Variants in CLN8 observed in about 807,000 individuals in gnomAD.
CLN8 encodes the protein protein CLN8.
In CLN8, 14 loss-of-function variants were observed where a neutral mutation model predicts 15.7. The observed-to-expected ratio is 0.89, with a 90% CI of 0.59 to 1.39. The LOEUF (loss-of-function observed/expected upper bound fraction) is 1.39. Ranked by LOEUF, CLN8 falls within the 40% of genes most tolerant of loss-of-function variation. The pLI is 0.00. For synonymous variants in CLN8, 188 were observed against 151.0 expected, an observed-to-expected ratio of 1.25 and a Z score of -1.80; for missense variants, 415 against 364.0, an observed-to-expected ratio of 1.14 and a Z score of -1.14.
chr8:1,757,352 G>A (rs187139200), intron 1 of CLN8, among the ~76,000 whole-genome samples: 4 of 152,318 alleles, frequency 2.6e-5, no homozygotes, highest in African/African-American at 7.2e-5. Flanking sequence ...CCACGGGAGG[G>A]GGCGTAGAGG....
intron 2 of CLN8, among the ~76,000 whole-genome samples, chr8:1,777,619 CTTT>C (rs1233884504): frequency 6.6e-6 from 1 of 151,844 alleles, no homozygotes; most frequent in Non-Finnish European, 1.5e-5. Context: ...ATTTTCGAAA[CTTT>C]TTTTTAAATT....
At chr8:1,765,992 C>A (rs1484111685) in intron 1 of CLN8, among the ~76,000 whole-genome samples, 2 of 152,116 alleles carry the variant, frequency 1.3e-5, no homozygotes, top group Non-Finnish European at 2.9e-5. Context: ...ATGCTGGTAT[C>A]CATAGCAGTT....
rs1409348546 is a variant in CLN8, at chr8:1,781,789, C to T, written c.*1222C>T. On this transcript the variant is annotated 3_prime_UTR_variant, in exon 3 of 3. Transcript: ENST00000331222. ...AGCTGTAGGGTGGACCTGGACCCCTCAGAGATGCTCGACTGCAGGGTCCTG... is the reference window on the plus strand; with the variant it reads ...AGCTGTAGGGTGGACCTGGACCCCTTAGAGATGCTCGACTGCAGGGTCCTG... The T allele has an allele frequency of 6.6e-6, 1 of 152,164 alleles. No individual in the cohort carries two copies. Among genetic ancestry groups the T allele is most frequent in the African/African-American group, 2.4e-5 (1 of 41,430 alleles). The allele number at this position is 152,164 out of a possible 1,614,324, so 9.4% of individuals were successfully genotyped here.
intron 1 of CLN8, among the ~76,000 whole-genome samples, chr8:1,756,420 G>A (rs912359766): frequency 1.3e-5 from 2 of 150,354 alleles, no homozygotes; most frequent in East Asian, 4.0e-4. Flanking sequence ...GGAGGCAGAG[G>A]TTGCAGTGAG....
intron 2 of CLN8, among the ~76,000 whole-genome samples, chr8:1,778,960 GA>G (rs1457837092): frequency 3.3e-5 from 5 of 152,184 alleles, no homozygotes; most frequent in Non-Finnish European, 7.3e-5. Flanking sequence ...AACATGCCCA[GA>G]AGACTTGGAT....
rs746305311 is a variant in CLN8, at chr8:1,780,510, A to G, written c.804A>G (p.Pro268=). ...LNPVDWNFAQ[P]EAKSRPEGNG... ...CGGTGGACTGGAACTTCGCACAGCC[A>G]GAAGCCAAGAGCAGGCCAGAAGGCA... The change falls in exon 3 of 3, where the codon CCA becomes CCG. Residue 268 remains proline, a synonymous_variant. Coordinates refer to ENST00000331222, the MANE Select transcript of CLN8 (RefSeq NM_018941.4). 1 of 1,614,248 alleles carries G rather than the reference A, an allele frequency of 6.2e-7. No homozygotes were observed.
At chr8:1,770,780 G>T (rs2130989114) in intron 1 of CLN8, among the ~76,000 whole-genome samples, 152 bp from the exon 2 acceptor site, 1 of 152,278 alleles carries the variant, frequency 6.6e-6, no homozygotes, top group East Asian at 1.9e-4. Context: ...ACTGTCAGTG[G>T]ATGTTACCTT....
At chr8:1,766,007 C>A (rs554980324) in intron 1 of CLN8, among the ~76,000 whole-genome samples, 34 of 152,264 alleles carry the variant, frequency 2.2e-4, no homozygotes, top group African/African-American at 7.9e-4. Flanking sequence ...GCAGTTTAGC[C>A]CCCATAAACC....
rs1354745272 is a variant in CLN8 at position 1,782,173 on chromosome 8, C to T, written c.*1606C>T. 4 of 152,136 alleles carry T rather than the reference C, an allele frequency of 2.6e-5. No homozygotes were observed. Among genetic ancestry groups the T allele is most frequent in the Non-Finnish European group, 5.9e-5 (4 of 68,048 alleles). The allele number at this position is 152,136 out of a possible 1,614,324, so 9.4% of individuals were successfully genotyped here. ...TGTTTTCGTTTTTTTGAGACGGAGC[C>T]TGGCTTTGGCTCCCAGGCTGGAGTC... On this transcript the variant is annotated 3_prime_UTR_variant, in exon 3 of 3. Transcript: ENST00000331222.
chr8:1,764,112 G>A (rs1359984731), intron 1 of CLN8, among the ~76,000 whole-genome samples: 1 of 150,662 alleles, frequency 6.6e-6, no homozygotes, highest in Non-Finnish European at 1.5e-5. Flanking sequence ...GGGCGCGCGG[G>A]AGCCCACGTG....
At position 1,785,196 on chromosome 8, in the gene CLN8, T is replaced by G. The variant is rs184354344; in HGVS notation, c.*4629T>G. ...GTCTCCCGCTCCTCAGGCTTGCGGC[T>G]CGGCCGCGAAGTGTGTCAGGTGTGC... On this transcript the variant is annotated 3_prime_UTR_variant, in exon 3 of 3. Transcript: ENST00000331222. 1.1e-4 allele frequency: 19 copies of G among 165,960 alleles called. No homozygotes were observed. The highest frequency in any genetic ancestry group is 4.3e-4 in the African/African-American group (18 of 41,844). 10.3% of individuals were successfully genotyped at this position (165,960 alleles called of 1,614,324 possible).
At chr8:1,761,144 C>G (rs1261278288), upstream of CLN8, among the ~76,000 whole-genome samples, 1 of 151,308 alleles carries the variant, frequency 6.6e-6, no homozygotes, top group Admixed American at 6.6e-5. Context: ...CTCAGCCTCC[C>G]ACGTAGCTGG....
chr8:1,767,973 T>G (rs955953640), intron 1 of CLN8, among the ~76,000 whole-genome samples: 1 of 151,870 alleles, frequency 6.6e-6, no homozygotes, highest in Non-Finnish European at 1.5e-5. Flanking sequence ...GATGGAGTTT[T>G]GCTCTGTTGC....
At chr8:1,777,101 C>A (rs775860992) in intron 2 of CLN8, among the ~76,000 whole-genome samples, 18 of 152,178 alleles carry the variant, frequency 1.2e-4, no homozygotes, top group Non-Finnish European at 2.2e-4. Flanking sequence ...TCTAAGCCAA[C>A]TCCACACTCG....
Position 1,780,289 on chromosome 8 carries a change from T to C in CLN8, c.583T>C (p.Trp195Arg), listed in dbSNP as rs766924857. The change falls in exon 3 of 3, where the codon TGG becomes CGG. Residue 195 changes from tryptophan (W) to arginine (R), a missense_variant. By Grantham distance (101) the Trp-to-Arg change is moderately radical. Coordinates refer to ENST00000331222, the MANE Select transcript of CLN8 (RefSeq NM_018941.4). Reference protein sequence around the residue: ...SESLFWKLNQWLMIHMFHCRM... With the variant: ...SESLFWKLNQRLMIHMFHCRM... ...GTCTCTGTTTTGGAAGCTCAACCAGTGGCTGATGATTCACATGTTTCACTG... is the reference window on the plus strand; with the variant it reads ...GTCTCTGTTTTGGAAGCTCAACCAGCGGCTGATGATTCACATGTTTCACTG... The C allele has an allele frequency of 1.2e-6, 2 of 1,614,264 alleles. No individual in the cohort carries two copies. Among genetic ancestry groups the C allele is most frequent in the Admixed American group, 3.3e-5 (2 of 60,034 alleles).
At chr8:1,766,676 C>T (rs956573969) in intron 1 of CLN8, among the ~76,000 whole-genome samples, 2 of 152,100 alleles carry the variant, frequency 1.3e-5, no homozygotes, top group Non-Finnish European at 2.9e-5. Flanking sequence ...CAGGTGTGAG[C>T]CACCCTGCCC....
At chr8:1,753,320 C>T (rs1390370445), upstream of CLN8, among the ~76,000 whole-genome samples, 7 of 148,998 alleles carry the variant, frequency 4.7e-5, no homozygotes, top group Admixed American at 2.7e-4. Flanking sequence ...CCTGTAATCC[C>T]AGCACTTTGG....
chr8:1,755,476 C>G (rs952971403), upstream of CLN8, among the ~76,000 whole-genome samples: 1 of 152,290 alleles, frequency 6.6e-6, no homozygotes, highest in South Asian at 2.1e-4. Context: ...AGCCTCTGCC[C>G]ACAAGATACA....
At chr8:1,779,222 C>G (rs758568040) in intron 2 of CLN8, among the ~76,000 whole-genome samples, 1 of 152,082 alleles carries the variant, frequency 6.6e-6, no homozygotes, top group Admixed American at 6.6e-5. Context: ...TCAAAAACAC[C>G]AGAAGAACGT....
Sources: gnomAD v4.1 joint callset for allele counts (sites outside exome capture counted in the v4.1 genomes callset) on GRCh38, gnomAD v4.1.1 for gene constraint, MANE v1.5 for transcripts, NCBI Gene and HGNC (gene_info 2026-07-23, HGNC 2026-07-21) for gene names.